The following TMTC4 variants were observed in gnomAD, a reference collection of about 807,000 sequenced individuals.
TMTC4 encodes protein O-mannosyl-transferase TMTC4.
In TMTC4, 65 loss-of-function variants were observed where a neutral mutation model predicts 86.0. That is an observed-to-expected ratio of 0.76 (90% CI 0.62 to 0.93). The LOEUF (loss-of-function observed/expected upper bound fraction) is 0.93. TMTC4 is among the 40% of genes least tolerant of loss of function. The pLI is 0.00. For missense variants in TMTC4, 866 were observed against 948.1 expected, an observed-to-expected ratio of 0.91 and a Z score of 1.14; for synonymous variants, 379 against 382.5, an observed-to-expected ratio of 0.99 and a Z score of 0.11.
intron 6 of TMTC4, among the ~76,000 whole-genome samples, chr13:100,652,463 A>C (rs1256005900): frequency 6.6e-6 from 1 of 152,228 alleles, no homozygotes; most frequent in African/African-American, 2.4e-5. Flanking sequence ...TGGGCAACAG[A>C]GCAAGACTTG....
At chr13:100,668,113 C>A (rs948333709) in intron 3 of TMTC4, among the ~76,000 whole-genome samples, 9 of 152,168 alleles carry the variant, frequency 5.9e-5, no homozygotes, top group Non-Finnish European at 2.9e-5. Flanking sequence ...TCCCGACAGT[C>A]TCGGAGAAGG....
chr13:100,651,496 C>CAA (rs58783020), intron 6 of TMTC4, among the ~76,000 whole-genome samples: 190 of 73,058 alleles, frequency 2.6e-3, no homozygotes, highest in African/African-American at 4.6e-3. Flanking sequence ...ATTTATGCAC[C>CAA]AAAAAAAAAA....
chr13:100,632,366 A>C (rs1881564761), intron 12 of TMTC4, among the ~76,000 whole-genome samples: 1 of 152,188 alleles, frequency 6.6e-6, no homozygotes, highest in Admixed American at 6.5e-5. Context: ...TGTCTCTCTA[A>C]AAAGCTGAGT....
intron 6 of TMTC4, among the ~76,000 whole-genome samples, chr13:100,653,189 T>C (rs1884662576): frequency 6.6e-6 from 1 of 152,172 alleles, no homozygotes. Context: ...TCCAAAGAGT[T>C]GTAATCTATC....
At chr13:100,649,171 C>T (rs1257523197) in intron 6 of TMTC4, among the ~76,000 whole-genome samples, 1 of 152,102 alleles carries the variant, frequency 6.6e-6, no homozygotes. Flanking sequence ...GCCCATACAG[C>T]GTTGACAAAA....
rs914157648 is a variant in TMTC4, at chr13:100,674,460, G to A, written c.-208+284C>T. 6.9e-5 allele frequency: 63 copies of A among 908,708 alleles called. No individual in the cohort carries two copies. The Admixed American group carries it at 1.6e-3, about 23-fold the overall frequency. 56.3% of individuals were successfully genotyped at this position (908,708 alleles called of 1,614,324 possible). On this transcript the variant is annotated intron_variant, in intron 1 of 18. Coordinates refer to ENST00000342624, the MANE Select transcript of TMTC4 (RefSeq NM_032813.5). Reference sequence around the variant, plus strand: ...GGGCTGGGGGCGGCGACCTCTGCCCGGGCGGAGAAGCTCAGGGGCCCGAGC... The same window carrying A: ...GGGCTGGGGGCGGCGACCTCTGCCCAGGCGGAGAAGCTCAGGGGCCCGAGC...
At position 100,605,067 on chromosome 13, in the gene TMTC4, G is replaced by A. The variant is rs1337743287; in HGVS notation, c.2210C>T (p.Thr737Met). The A allele has an allele frequency of 6.8e-6, 11 of 1,613,960 alleles. No homozygotes were observed. Among genetic ancestry groups the A allele is most frequent in the East Asian group, 2.2e-5 (1 of 44,852 alleles). ...GTAATTCTCCTTAGTTCCTGATGCC[G>A]TGGGGTCAAGCTGCAAGGAGATTTC... ...HYEISLQLDP[T>M]ASGTKENYGL... The change falls in exon 19 of 19, where the codon ACG (threonine) becomes ATG (methionine). Residue 737 changes from threonine to methionine, a missense_variant. By Grantham distance (81) the Thr-to-Met change is moderately conservative. Coordinates refer to ENST00000342624, the MANE Select transcript of TMTC4 (RefSeq NM_032813.5). The surrounding 1 kb of genome is among the most constrained non-coding windows in gnomAD (Gnocchi z 4.3).
intron 6 of TMTC4, among the ~76,000 whole-genome samples, chr13:100,646,944 G>A (rs1185372914): frequency 6.6e-6 from 1 of 152,118 alleles, no homozygotes; most frequent in Non-Finnish European, 1.5e-5. Flanking sequence ...AAAAAATTAT[G>A]GCCGAAATAA....
At chr13:100,612,654 T>TACACACACACAC (rs60782137) in intron 16 of TMTC4, 144 bp from the exon 17 acceptor site, 3 of 449,014 alleles carry the variant, frequency 6.7e-6, no homozygotes, top group Admixed American at 4.3e-5. Flanking sequence ...GATCATGTAA[T>TACACACACACAC]ACACACACAC....
upstream of TMTC4, chr13:100,674,968 G>A: frequency 1.0e-6 from 1 of 985,572 alleles, no homozygotes; most frequent in Non-Finnish European, 1.2e-6. Context: ...TCACTTTCAG[G>A]CCACAGCCAA....
intron 6 of TMTC4, among the ~76,000 whole-genome samples, chr13:100,648,233 T>C (rs1883991856): frequency 6.6e-6 from 1 of 152,142 alleles, no homozygotes; most frequent in African/African-American, 2.4e-5. Context: ...TCCAAGAAAG[T>C]AATCATTACA....
intron 3 of TMTC4, chr13:100,665,992 T>G (rs1566645158): frequency 2.2e-6 from 1 of 456,596 alleles, no homozygotes; most frequent in East Asian, 7.0e-5. Context: ...CTTACAGAAG[T>G]ACCCGGTCAG....
chr13:100,606,155 CT>C (rs1469691799), intron 18 of TMTC4, among the ~76,000 whole-genome samples: 1 of 152,192 alleles, frequency 6.6e-6, no homozygotes, highest in Non-Finnish European at 1.5e-5. Flanking sequence ...AGTGGGCAAA[CT>C]TTGGGGCTGT....
At chr13:100,667,670 T>G (rs1346036376) in intron 3 of TMTC4, among the ~76,000 whole-genome samples, 1 of 152,166 alleles carries the variant, frequency 6.6e-6, no homozygotes, top group East Asian at 1.9e-4. Context: ...TTCAACAGTG[T>G]TACAAAGAGT....
rs747789360 is a variant in TMTC4 at position 100,666,075 on chromosome 13, T to A, written c.220-1739A>T. On this transcript the variant is annotated intron_variant, in intron 3 of 18. Transcript: ENST00000342624. ...ATGAACACCAACGAGGTTCTAAATATTTGATTAAGTGGAGCCTCCACAGCA... is the reference window on the plus strand; with the variant it reads ...ATGAACACCAACGAGGTTCTAAATAATTGATTAAGTGGAGCCTCCACAGCA... 13 of 456,362 alleles carry A rather than the reference T, an allele frequency of 2.8e-5. No homozygotes were observed. In the East Asian group the frequency reaches 5.6e-4, roughly 19 times the overall value. 28.3% of individuals were successfully genotyped at this position (456,362 alleles called of 1,614,324 possible).
intron 1 of TMTC4, among the ~76,000 whole-genome samples, chr13:100,671,342 G>A (rs1466837224): frequency 3.3e-5 from 5 of 152,120 alleles, no homozygotes; most frequent in South Asian, 2.1e-4. Flanking sequence ...TTTCACAAAC[G>A]TTTGTCAAGG....
At chr13:100,671,111 T>A (rs998426381) in intron 1 of TMTC4, among the ~76,000 whole-genome samples, 1 of 152,252 alleles carries the variant, frequency 6.6e-6, no homozygotes, top group African/African-American at 2.4e-5. Flanking sequence ...CAAAAGGTCA[T>A]GTAACCGGTT....
At chr13:100,621,154 C>T (rs1476947573) in intron 15 of TMTC4, among the ~76,000 whole-genome samples, 2 of 152,240 alleles carry the variant, frequency 1.3e-5, no homozygotes, top group African/African-American at 4.8e-5. Flanking sequence ...CCAAGGACTA[C>T]AGCACATGAT....
At chr13:100,672,927 G>C (rs951088244) in intron 1 of TMTC4, among the ~76,000 whole-genome samples, 2 of 152,146 alleles carry the variant, frequency 1.3e-5, no homozygotes, top group African/African-American at 4.8e-5. Flanking sequence ...CTCTGCCATA[G>C]CTGGATCGTT....
Sources: allele counts gnomAD v4.1 joint callset (sites outside exome capture counted in the v4.1 genomes callset), GRCh38; gene constraint gnomAD v4.1.1; non-coding constraint Gnocchi (gnomAD v3.1); transcripts MANE v1.5; gene names NCBI Gene and HGNC (gene_info 2026-07-23, HGNC 2026-07-21).